Variants in PTPRD observed in about 807,000 individuals in gnomAD.
PTPRD encodes receptor-type tyrosine-protein phosphatase delta.
Under a neutral mutation model 214.5 loss-of-function variants are expected in PTPRD, and 34 were observed. The ratio of observed to expected loss-of-function variants is 0.16; its 90% CI spans 0.12 to 0.21. The LOEUF (loss-of-function observed/expected upper bound fraction) is 0.21. Ranked by LOEUF, PTPRD falls within the 10% of genes least tolerant of loss-of-function variation. The probability of loss-of-function intolerance (pLI) is 1.00; values close to 1 mark genes in which losing one functional copy is unlikely to be tolerated. For missense variants in PTPRD, 2,545 were observed against 2,398.7 expected, an observed-to-expected ratio of 1.06 and a Z score of -1.27; for synonymous variants, 1,128 against 845.7, an observed-to-expected ratio of 1.33 and a Z score of -5.79.
chr9:9,804,215 G>A (rs1463142796), intron 5 of PTPRD, among the ~76,000 whole-genome samples: 1 of 151,972 alleles, frequency 6.6e-6, no homozygotes, highest in Non-Finnish European at 1.5e-5. Flanking sequence ...TCTTTTAGCT[G>A]AAAGAAGCTT....
rs553660703 is a variant in PTPRD at position 8,834,023 on chromosome 9, C to T, written c.-103-100077G>A. 3.3e-5 allele frequency among the ~76,000 whole-genome samples: 5 copies of T among 151,398 alleles called. No homozygotes were observed. The South Asian group carries it at 1.0e-3, about 32-fold the overall frequency. ...ATTTTTATAATTTCTCACATAATTA[C>T]ACAAACCGTTCAGAAAGCACAATAA... On this transcript the variant is annotated intron_variant, in intron 11 of 45. Transcript: ENST00000381196.
intron 5 of PTPRD, among the ~76,000 whole-genome samples, chr9:9,922,798 T>A (rs2082947461): frequency 6.6e-6 from 1 of 152,020 alleles, no homozygotes; most frequent in African/African-American, 2.4e-5. Context: ...GGTATTGTCG[T>A]GAAAGGCAAG....
chr9:9,844,300 G>C (rs909797374), intron 5 of PTPRD, among the ~76,000 whole-genome samples: 1 of 151,816 alleles, frequency 6.6e-6, no homozygotes, highest in African/African-American at 2.4e-5. Flanking sequence ...CTGTACATTA[G>C]ATCATAATGC....
At position 8,375,986 on chromosome 9, in the gene PTPRD, T is replaced by C. The variant is rs148563900; in HGVS notation, c.4611A>G (p.Arg1537=). Residue 1537 remains arginine, a synonymous_variant, in exon 39 of 46, where the codon AGA becomes AGG. Coordinates refer to ENST00000381196, the MANE Select transcript of PTPRD (RefSeq NM_002839.4). ...HPTPFLAFLR[R]VKTCNPPDAG... ...CATCGGGAGGGTTACAGGTTTTGAC[T>C]CTACGTAAGAAAGCTAGAAAAGGTG... The C allele has an allele frequency of 1.5e-5, 24 of 1,612,790 alleles. No homozygotes were observed. The African/African-American group carries it at 1.6e-4, about 11-fold the overall frequency.
chr9:9,743,751 C>CACACACACAG (rs1329230715), intron 6 of PTPRD, among the ~76,000 whole-genome samples: 2 of 150,356 alleles, frequency 1.3e-5, no homozygotes, highest in East Asian at 3.9e-4. Flanking sequence ...CACACACACA[C>CACACACACAG]ACACACACAC....
At chr9:9,087,821 A>C (rs1360037431) in intron 10 of PTPRD, among the ~76,000 whole-genome samples, 2 of 150,714 alleles carry the variant, frequency 1.3e-5, no homozygotes, top group Admixed American at 1.3e-4. Flanking sequence ...CACTCAACAC[A>C]ATCGCTTGAT....
chr9:8,778,690 C>A (rs1362593845), intron 11 of PTPRD, among the ~76,000 whole-genome samples: 1 of 152,146 alleles, frequency 6.6e-6, no homozygotes, highest in Non-Finnish European at 1.5e-5. Flanking sequence ...GAAAGGAGAT[C>A]TGCTTAGAAA....
chr9:10,042,927 T>G (rs929695826), intron 3 of PTPRD, among the ~76,000 whole-genome samples: 1 of 151,958 alleles, frequency 6.6e-6, no homozygotes, highest in Non-Finnish European at 1.5e-5. Flanking sequence ...CCCTATAACA[T>G]GTAAACAGTT....
intron 33 of PTPRD, among the ~76,000 whole-genome samples, chr9:8,459,463 T>G (rs2096317127): frequency 6.6e-6 from 1 of 152,068 alleles, no homozygotes; most frequent in Non-Finnish European, 1.5e-5. Flanking sequence ...TAATTTTGAA[T>G]TTAGTCATTT....
At chr9:8,395,073 C>T (rs2090742372) in intron 36 of PTPRD, among the ~76,000 whole-genome samples, 2 of 152,122 alleles carry the variant, frequency 1.3e-5, no homozygotes, top group Admixed American at 6.6e-5. Flanking sequence ...CACAATTTGG[C>T]TTCAAATCCC....
In PTPRD at chr9:8,894,935, A is replaced by G. The variant is rs887894738; in HGVS notation, c.-104+123762T>C. On this transcript the variant is annotated intron_variant, in intron 11 of 45. Coordinates refer to ENST00000381196, the MANE Select transcript of PTPRD (RefSeq NM_002839.4). ...CACAATTTGGAGCCCAGAGAGCCCA[A>G]GAGATCTGCTTGTGGCAAAACCGAA... Among the ~76,000 whole-genome samples, 36 of 152,236 alleles carry G rather than the reference A, an allele frequency of 2.4e-4. 1 individual carries two copies. Among genetic ancestry groups the G allele is most frequent in the Admixed American group, 1.4e-3 (21 of 15,282 alleles).
intron 10 of PTPRD, among the ~76,000 whole-genome samples, chr9:9,083,536 G>A (rs1478315914): frequency 2.0e-5 from 3 of 152,052 alleles, no homozygotes; most frequent in African/African-American, 7.2e-5. Context: ...AGCAACAAAA[G>A]CCAAAATTGA....
At chr9:10,064,621 C>T (rs1251479834) in intron 3 of PTPRD, among the ~76,000 whole-genome samples, 1 of 151,874 alleles carries the variant, frequency 6.6e-6, no homozygotes, top group East Asian at 1.9e-4. Flanking sequence ...ATTTCCCAAA[C>T]ATCCTCCCTC....
intron 5 of PTPRD, among the ~76,000 whole-genome samples, chr9:9,877,093 A>T (rs1426589516): frequency 6.6e-6 from 1 of 152,178 alleles, no homozygotes; most frequent in Non-Finnish European, 1.5e-5. Flanking sequence ...CACCAAAAAG[A>T]TCTAATTACA....
chr9:9,996,282 A>T (rs1206532390), intron 4 of PTPRD, among the ~76,000 whole-genome samples: 1 of 152,192 alleles, frequency 6.6e-6, no homozygotes, highest in East Asian at 1.9e-4. Context: ...AATAATTATT[A>T]ATTAAATTGA....
intron 10 of PTPRD, among the ~76,000 whole-genome samples, chr9:9,135,861 T>C (rs558392715): frequency 2.0e-5 from 3 of 150,510 alleles, no homozygotes; most frequent in South Asian, 2.2e-4. Context: ...TTTTCTGTCA[T>C]CCCTCTTGTT....
intron 3 of PTPRD, among the ~76,000 whole-genome samples, chr9:10,225,079 T>G (rs550646875): frequency 2.2e-4 from 34 of 152,120 alleles, no homozygotes; most frequent in African/African-American, 7.2e-4. Flanking sequence ...ACCTCCACAT[T>G]GTTCAGAGGT....
At chr9:10,414,384 T>A (rs1308520068) in intron 2 of PTPRD, among the ~76,000 whole-genome samples, 1 of 151,900 alleles carries the variant, frequency 6.6e-6, no homozygotes, top group Non-Finnish European at 1.5e-5. Flanking sequence ...AAAACCACAG[T>A]GAGATACCAT....
rs201650630 is a variant in PTPRD, at chr9:10,112,437, T to A, written c.-544-78647A>T. Among the ~76,000 whole-genome samples, 342 of 152,332 alleles carry A rather than the reference T, an allele frequency of 2.2e-3. 10 individuals carry two copies. The East Asian group carries it at 0.057, about 25-fold the overall frequency. ...TTCCAACTGACAATTATCTATTTTT[T>A]TTTTGTCAAGCTTTAATCTTGGCAC... On this transcript the variant is annotated intron_variant, in intron 3 of 45. Coordinates refer to ENST00000381196, the MANE Select transcript of PTPRD (RefSeq NM_002839.4).
Sources: allele counts gnomAD v4.1 joint callset (sites outside exome capture counted in the v4.1 genomes callset), GRCh38; gene constraint gnomAD v4.1.1; transcripts MANE v1.5; gene names NCBI Gene and HGNC (gene_info 2026-07-23, HGNC 2026-07-21).